Variants in ZNF679 observed in about 807,000 individuals in gnomAD.
ZNF679 encodes zinc finger protein 679, also known as hypothetical protein MGC42415.
In ZNF679, 10 loss-of-function variants were observed where a neutral mutation model predicts 13.4. The observed-to-expected ratio is 0.75, with a 90% confidence interval of 0.46 to 1.27. ZNF679 has a LOEUF of 1.27. Among genes scored for constraint, ZNF679 ranks in the 50% most tolerant of loss-of-function variants. The pLI is 0.00. For missense variants in ZNF679, 525 were observed against 477.8 expected (o/e 1.10, Z -0.92); for synonymous variants, 179 against 162.5 (o/e 1.10, Z -0.77).
At chr7:64,245,643 T>G (rs544589860) in intron 1 of ZNF679, among the ~76,000 whole-genome samples, 32 of 152,286 alleles carry the variant, frequency 2.1e-4, no homozygotes, top group Middle Eastern at 6.8e-3. Flanking sequence ...AAAGCTCCCC[T>G]TGTTCCATGA....
chr7:64,259,543 T>C (rs1046785404), intron 2 of ZNF679, among the ~76,000 whole-genome samples: 1 of 152,208 alleles, frequency 6.6e-6, no homozygotes, highest in African/African-American at 2.4e-5. Context: ...TCTAGGGTGC[T>C]AAAGAAAGGC....
At chr7:64,244,409 T>C (rs900962460) in intron 1 of ZNF679, among the ~76,000 whole-genome samples, 3 of 152,062 alleles carry the variant, frequency 2.0e-5, no homozygotes, top group African/African-American at 7.2e-5. Context: ...GTGAAATCAA[T>C]AAGTTATATT....
rs1370039135 is a variant in ZNF679, at chr7:64,266,323, T to G, written c.690T>G (p.His230Gln). 6.2e-7 allele frequency: 1 copy of G among 1,612,762 alleles called. No homozygotes were observed. Among genetic ancestry groups the G allele is most frequent in the Non-Finnish European group, 8.5e-7 (1 of 1,179,454 alleles). The change falls in exon 5 of 5, where the codon CAT becomes CAG. Residue 230 changes from histidine (H) to glutamine (Q), a missense_variant. Physicochemically the swap from His to Gln is conservative, Grantham distance 24. Coordinates refer to ENST00000421025, the MANE Select transcript of ZNF679 (RefSeq NM_153363.3). ...ACTGCTCTTCAACCCTTTCTAAACA[T>G]AAAAGAATTCATACTGGAGAGAAAC... ...PFNCSSTLSK[H>Q]KRIHTGEKPY...
In ZNF679 at chr7:64,266,760, G is replaced by C; in HGVS notation, c.1127G>C (p.Gly376Ala). ...AATACTCATAAGAGGATTCATACTGGAGAGGAACCCTACAAATGTGAAGAA... is the reference window on the plus strand; with the variant it reads ...AATACTCATAAGAGGATTCATACTGCAGAGGAACCCTACAAATGTGAAGAA... ...TLNTHKRIHT[G>A]EEPYKCEECD... is the part of the protein sequence containing the mutation. Residue 376 changes from glycine to alanine, a missense_variant, in exon 5 of 5, where the codon GGA becomes GCA. By Grantham distance (60) the Gly-to-Ala change is moderately conservative. Coordinates refer to ENST00000421025, the MANE Select transcript of ZNF679 (RefSeq NM_153363.3). 6.2e-7 allele frequency: 1 copy of C among 1,610,844 alleles called. No individual in the cohort carries two copies. Among genetic ancestry groups the C allele is most frequent in the Non-Finnish European group, 8.5e-7 (1 of 1,178,422 alleles).
intron 1 of ZNF679, among the ~76,000 whole-genome samples, chr7:64,240,988 GA>G (rs1392238880): frequency 1.3e-5 from 2 of 152,108 alleles, no homozygotes; most frequent in African/African-American, 4.8e-5. Context: ...TAATGTATGA[GA>G]TTCACAATTC....
Position 64,249,148 on chromosome 7 carries a change from C to G in ZNF679, c.31C>G (p.Arg11Gly). 1.2e-6 allele frequency: 2 copies of G among 1,614,028 alleles called. No homozygotes were observed. Among genetic ancestry groups the G allele is most frequent in the Non-Finnish European group, 1.7e-6 (2 of 1,180,014 alleles). MAKRPGSPGS[R>G]EMGLLTFRDV... is the part of the protein sequence containing the mutation. ...TAAAAGACCGGGATCCCCTGGAAGC[C>G]GAGAAATGGTGAGTGCTGGGTCTGT... Residue 11 changes from arginine (R) to glycine (G), a missense_variant, in exon 2 of 5, where the codon CGA becomes GGA. Transcript: ENST00000421025.
At chr7:64,260,708 T>C in intron 3 of ZNF679, 126 bp from the exon 4 acceptor site, 3 of 1,084,854 alleles carry the variant, frequency 2.8e-6, no homozygotes, top group Non-Finnish European at 3.7e-6. Context: ...AGTTAAAAAG[T>C]TCTGTTATGA....
intron 1 of ZNF679, among the ~76,000 whole-genome samples, chr7:64,246,885 C>T (rs1212059480): frequency 6.6e-6 from 1 of 152,184 alleles, no homozygotes; most frequent in Non-Finnish European, 1.5e-5. Flanking sequence ...GACACAGCAG[C>T]AGTGTGGGCT....
At chr7:64,234,066 C>T (rs374736842) in intron 1 of ZNF679, among the ~76,000 whole-genome samples, 3 of 152,042 alleles carry the variant, frequency 2.0e-5, no homozygotes, top group East Asian at 1.9e-4. Context: ...AACACCACAG[C>T]GACTGGGTGT....
At chr7:64,257,245 C>T (rs1788016214) in intron 2 of ZNF679, among the ~76,000 whole-genome samples, 1 of 152,158 alleles carries the variant, frequency 6.6e-6, no homozygotes, top group African/African-American at 2.4e-5. Flanking sequence ...GTTCTTATCA[C>T]TCCCTTAGCT....
At chr7:64,238,483 G>A (rs1170381201) in intron 1 of ZNF679, among the ~76,000 whole-genome samples, 1 of 152,146 alleles carries the variant, frequency 6.6e-6, no homozygotes, top group South Asian at 2.1e-4. Flanking sequence ...TGCCTCCAGG[G>A]TTCAAGCGAT....
Position 64,259,355 on chromosome 7 carries a change from T to C in ZNF679, c.40-866T>C, listed in dbSNP as rs372552279. 1.4e-4 allele frequency among the ~76,000 whole-genome samples: 22 copies of C among 152,346 alleles called. No homozygotes were observed. In the South Asian group the frequency reaches 4.6e-3, roughly 32 times the overall value. On this transcript the variant is annotated intron_variant, in intron 2 of 4. Transcript: ENST00000421025. ...AGAAGGTGTGGATACTCAAGATTTTTACTGGGGAAACACAGTTGTCTTTGG... is the reference window on the plus strand; with the variant it reads ...AGAAGGTGTGGATACTCAAGATTTTCACTGGGGAAACACAGTTGTCTTTGG...
chr7:64,252,890 G>C (rs920001424), intron 2 of ZNF679, among the ~76,000 whole-genome samples: 3 of 152,180 alleles, frequency 2.0e-5, no homozygotes, highest in South Asian at 4.1e-4. Context: ...GCTAATTTCT[G>C]TATTTTCAGT....
chr7:64,260,931 T>A lies in ZNF679; in HGVS notation c.262+2T>A. The stretch of plus-strand genomic sequence containing the variant: ...ATGAGATGGTAACCAAACACCCAGG[T>A]AAGTGAGAGTGGATGAAGCGGATGA... On this transcript the variant is annotated splice_donor_variant, in intron 4 of 4. Coordinates refer to ENST00000421025, the MANE Select transcript of ZNF679 (RefSeq NM_153363.3). LOFTEE classifies it high-confidence loss of function. The A allele has an allele frequency of 2.5e-6, 4 of 1,608,362 alleles. No individual in the cohort carries two copies. Among genetic ancestry groups the A allele is most frequent in the Non-Finnish European group, 2.5e-6 (3 of 1,178,018 alleles).
chr7:64,262,872 A>C (rs1788095814), intron 4 of ZNF679, among the ~76,000 whole-genome samples: 3 of 152,180 alleles, frequency 2.0e-5, no homozygotes, highest in African/African-American at 7.2e-5. Flanking sequence ...AAATTTGTTC[A>C]CCACTGTGGG....
Position 64,260,226 on chromosome 7 carries a change from G to A in ZNF679, c.45G>A (p.Leu15=), listed in dbSNP as rs907511274. 2.5e-6 allele frequency: 4 copies of A among 1,603,092 alleles called. No individual in the cohort carries two copies. The highest frequency in any genetic ancestry group is 3.4e-6 in the Non-Finnish European group (4 of 1,176,954). ...TTGTTGTTATTGTTTTTCAGGGACTGTTGACATTCAGAGATGTAGTCATAG... is the reference window on the plus strand; with the variant it reads ...TTGTTGTTATTGTTTTTCAGGGACTATTGACATTCAGAGATGTAGTCATAG... ...PGSPGSREMG[L]LTFRDVVIEF... The change falls in exon 3 of 5, where the codon CTG becomes CTA. Residue 15 remains leucine (L), a synonymous_variant. Transcript: ENST00000421025.
intron 1 of ZNF679, among the ~76,000 whole-genome samples, chr7:64,245,945 G>A (rs1328571421): frequency 1.3e-5 from 2 of 152,174 alleles, no homozygotes; most frequent in East Asian, 3.9e-4. Context: ...GGCAGAGGTT[G>A]CAGTGAGCCA....
chr7:64,236,975 A>T (rs201245503), intron 1 of ZNF679, among the ~76,000 whole-genome samples: 1 of 16,264 alleles, frequency 6.1e-5, no homozygotes, highest in East Asian at 5.6e-3. Context: ...GAAAGAAAGA[A>T]AAAGAAAGAA....
At chr7:64,262,301 G>A (rs1389566091) in intron 4 of ZNF679, among the ~76,000 whole-genome samples, 1 of 152,150 alleles carries the variant, frequency 6.6e-6, no homozygotes, top group African/African-American at 2.4e-5. Flanking sequence ...ACTATTAAAT[G>A]TGTTACTTGA....
Sources: allele counts gnomAD v4.1 joint callset (sites outside exome capture counted in the v4.1 genomes callset), GRCh38; gene constraint gnomAD v4.1.1; transcripts MANE v1.5; gene names NCBI Gene and HGNC (gene_info 2026-07-23, HGNC 2026-07-21).